The following C6orf58 variants were observed in gnomAD, a reference collection of about 807,000 sequenced individuals.
C6orf58 encodes chromosome 6 open reading frame 58, also known as protein LEG1 homolog.
Under a neutral mutation model 37.0 loss-of-function variants are expected in C6orf58, and 30 were observed. The observed-to-expected ratio is 0.81, with a 90% CI of 0.61 to 1.10. The LOEUF is 1.10. Ranked by LOEUF, C6orf58 falls within the 50% of genes least tolerant of loss-of-function variation. C6orf58 has a pLI of 0.00. For synonymous variants in C6orf58, 143 were observed against 134.1 expected, an observed-to-expected ratio of 1.07 and a Z score of -0.46; for missense variants, 368 against 387.5, an observed-to-expected ratio of 0.95 and a Z score of 0.42.
chr6:127,586,218 C>CA (rs1775104798), intron 4 of C6orf58, among the ~76,000 whole-genome samples: 1 of 152,064 alleles, frequency 6.6e-6, no homozygotes. Flanking sequence ...TTAACAGTCC[C>CA]AAAAAGCAAA....
At chr6:127,578,538 TA>T (rs1162327276) in intron 1 of C6orf58, 147 bp from the exon 2 acceptor site, 22 of 489,978 alleles carry the variant, frequency 4.5e-5, no homozygotes, top group East Asian at 2.0e-4. Flanking sequence ...AAATAAAAGA[TA>T]AAAAAAGAAT....
intron 4 of C6orf58, among the ~76,000 whole-genome samples, chr6:127,584,583 T>C (rs950033912): frequency 3.3e-5 from 5 of 152,298 alleles, no homozygotes; most frequent in African/African-American, 4.8e-5. Flanking sequence ...AAGACCAGCC[T>C]GGCCAATATG....
At chr6:127,584,163 A>G (rs1775081020) in intron 4 of C6orf58, among the ~76,000 whole-genome samples, 1 of 152,230 alleles carries the variant, frequency 6.6e-6, no homozygotes, top group Admixed American at 6.5e-5. Context: ...GCCTTCTCGC[A>G]TAGAAAAGCA....
At chr6:127,591,156 T>G (rs778174111) in intron 5 of C6orf58, among the ~76,000 whole-genome samples, 14 of 152,180 alleles carry the variant, frequency 9.2e-5, no homozygotes, top group Non-Finnish European at 2.9e-5. Context: ...CAAGTCTTCT[T>G]CATTCTGTGA....
intron 4 of C6orf58, among the ~76,000 whole-genome samples, chr6:127,587,599 T>C (rs780592921): frequency 3.3e-5 from 5 of 152,240 alleles, no homozygotes; most frequent in Admixed American, 6.5e-5. Flanking sequence ...TCAAGGCTAA[T>C]GATTGTTCCT....
At chr6:127,577,740 A>G (rs1439090703) in intron 1 of C6orf58, among the ~76,000 whole-genome samples, 1 of 152,176 alleles carries the variant, frequency 6.6e-6, no homozygotes, top group Non-Finnish European at 1.5e-5. Flanking sequence ...AAGACATCAC[A>G]TCTCATCTAT....
Position 127,580,255 on chromosome 6 carries a change from G to C in C6orf58, c.389-10G>C. 1 of 1,597,478 alleles carries C rather than the reference G, an allele frequency of 6.3e-7. No individual in the cohort carries two copies. The highest frequency in any genetic ancestry group is 8.6e-7 in the Non-Finnish European group (1 of 1,167,758). ...TGCTTGTAGTAATAGTAAATCTTTT[G>C]TTCTTACAGATTTGAATTATTTTCT... On this transcript the variant is annotated splice_polypyrimidine_tract_variant and intron_variant, in intron 2 of 5. Coordinates refer to ENST00000329722, the MANE Select transcript of C6orf58 (RefSeq NM_001010905.3).
chr6:127,589,500 C>T (rs1775138920), intron 4 of C6orf58, among the ~76,000 whole-genome samples: 1 of 152,124 alleles, frequency 6.6e-6, no homozygotes, highest in Admixed American at 6.5e-5. Context: ...AGAAACTAAA[C>T]TTTCTCACCT....
Position 127,588,385 on chromosome 6 carries a change from T to C in C6orf58, c.675-1702T>C, listed in dbSNP as rs942139840. Among the ~76,000 whole-genome samples, 9 of 152,308 alleles carry C rather than the reference T, an allele frequency of 5.9e-5. No homozygotes were observed. The East Asian group carries it at 1.7e-3, about 29-fold the overall frequency. On this transcript the variant is annotated intron_variant, in intron 4 of 5. Coordinates refer to ENST00000329722, the MANE Select transcript of C6orf58 (RefSeq NM_001010905.3). ...ATAGCAGAAGACAGAATTGTAGGGA[T>C]TGGAGAACAACTGGGGCCATGGTTA... is the stretch of plus-strand genomic sequence containing the variant.
chr6:127,585,145 T>G (rs1775093879), intron 4 of C6orf58, among the ~76,000 whole-genome samples: 1 of 152,240 alleles, frequency 6.6e-6, no homozygotes, highest in East Asian at 1.9e-4. Flanking sequence ...TTAAAGAAGG[T>G]TTAACATTAC....
At chr6:127,588,395 A>T (rs183732825) in intron 4 of C6orf58, among the ~76,000 whole-genome samples, 1 of 152,226 alleles carries the variant, frequency 6.6e-6, no homozygotes, top group African/African-American at 2.4e-5. Flanking sequence ...TTGGAGAACA[A>T]CTGGGGCCAT....
intron 4 of C6orf58, 77 bp downstream of exon 4, chr6:127,581,359 C>T (rs1775048755): frequency 7.4e-6 from 4 of 541,292 alleles, no homozygotes; most frequent in Non-Finnish European, 6.0e-6. Flanking sequence ...TTTTCTTCTT[C>T]TTCTAGAGTG....
chr6:127,588,722 A>T (rs1014975924), intron 4 of C6orf58, among the ~76,000 whole-genome samples: 4 of 152,182 alleles, frequency 2.6e-5, no homozygotes, highest in African/African-American at 9.7e-5. Context: ...GAATTTCTTC[A>T]CTGCTCTTGT....
chr6:127,582,227 G>A (rs1291083060), intron 4 of C6orf58, among the ~76,000 whole-genome samples: 1 of 152,136 alleles, frequency 6.6e-6, no homozygotes, highest in Admixed American at 6.5e-5. Context: ...GACATAGAAT[G>A]AATAGCTGCA....
chr6:127,580,687 T>C (rs939873765), intron 3 of C6orf58, among the ~76,000 whole-genome samples: 3 of 152,104 alleles, frequency 2.0e-5, no homozygotes, highest in African/African-American at 7.2e-5. Context: ...ACAAAAATGG[T>C]GAGCATACAG....
chr6:127,584,077 A>G (rs554567643), intron 4 of C6orf58, among the ~76,000 whole-genome samples: 6 of 152,324 alleles, frequency 3.9e-5, no homozygotes, highest in Non-Finnish European at 7.3e-5. Context: ...ATGAGTGCCT[A>G]TATTGCTAGA....
At chr6:127,578,489 CTG>C (rs1427445389) in intron 1 of C6orf58, among the ~76,000 whole-genome samples, 195 bp from the exon 2 acceptor site, 1 of 151,772 alleles carries the variant, frequency 6.6e-6, no homozygotes, top group Admixed American at 6.6e-5. Flanking sequence ...AAGTAGAAAA[CTG>C]TGTTGTTAAG....
chr6:127,585,609 G>A (rs1053471309), intron 4 of C6orf58, among the ~76,000 whole-genome samples: 1 of 152,116 alleles, frequency 6.6e-6, no homozygotes, highest in African/African-American at 2.4e-5. Context: ...CAAGGGTAAA[G>A]AAAAACTTTT....
chr6:127,581,338 T>G (rs1258774505), intron 4 of C6orf58, 56 bp downstream of exon 4: 1 of 727,092 alleles, frequency 1.4e-6, no homozygotes, highest in Admixed American at 2.9e-5. Context: ...TTTTGGGCAT[T>G]ATTTATATAT....
Sources: allele counts gnomAD v4.1 joint callset (sites outside exome capture counted in the v4.1 genomes callset), GRCh38; gene constraint gnomAD v4.1.1; transcripts MANE v1.5; gene names NCBI Gene and HGNC (gene_info 2026-07-23, HGNC 2026-07-21).